CHN2: variants seen among roughly 807,000 people sequenced by gnomAD.
The protein encoded by CHN2 is chimerin 2, also known as beta-chimaerin.
Under a neutral mutation model 56.3 loss-of-function variants are expected in CHN2, and 35 were observed. The observed-to-expected ratio is 0.62, with a 90% CI of 0.47 to 0.82. The LOEUF is 0.82. Among genes scored for constraint, CHN2 ranks in the 40% least tolerant of loss-of-function variants. CHN2 has a pLI of 0.00. For missense variants in CHN2, 491 were observed against 580.5 expected (o/e 0.85, Z 1.58); for synonymous variants, 210 against 212.8 (o/e 0.99, Z 0.12).
At chr7:29,432,242 GA>G (rs1782909178) in intron 6 of CHN2, among the ~76,000 whole-genome samples, 1 of 152,138 alleles carries the variant, frequency 6.6e-6, no homozygotes, top group Non-Finnish European at 1.5e-5. Context: ...TTCCTACGGT[GA>G]AACATTCAGT....
At chr7:29,481,011 T>C (rs1408181528) in intron 7 of CHN2, among the ~76,000 whole-genome samples, 1 of 151,930 alleles carries the variant, frequency 6.6e-6, no homozygotes, top group Non-Finnish European at 1.5e-5. Flanking sequence ...GAAAGACCGC[T>C]ATGTTCGTTT....
At chr7:29,478,113 A>G (rs1786757315) in intron 6 of CHN2, among the ~76,000 whole-genome samples, 1 of 152,216 alleles carries the variant, frequency 6.6e-6, no homozygotes, top group Admixed American at 6.5e-5. Context: ...GTTGGCCTTC[A>G]GTGGGGAGTC....
chr7:29,460,401 C>T (rs915476525), intron 6 of CHN2, among the ~76,000 whole-genome samples: 12 of 152,212 alleles, frequency 7.9e-5, no homozygotes, highest in African/African-American at 2.9e-4. Context: ...TTCGTGCCTC[C>T]CTATGTATTA....
chr7:29,335,186 G>A (rs1412863974), intron 1 of CHN2, among the ~76,000 whole-genome samples: 1 of 152,220 alleles, frequency 6.6e-6, no homozygotes, highest in Non-Finnish European at 1.5e-5. Flanking sequence ...GGAACAATAT[G>A]GAGTCACTCA....
chr7:29,423,312 G>A (rs902132904), intron 6 of CHN2, among the ~76,000 whole-genome samples: 2 of 152,230 alleles, frequency 1.3e-5, no homozygotes, highest in African/African-American at 4.8e-5. Flanking sequence ...CAGCAGCTGG[G>A]CAGGCTGCAG....
intron 1 of CHN2, among the ~76,000 whole-genome samples, chr7:29,253,649 A>T (rs2128822260): frequency 6.6e-6 from 1 of 152,294 alleles, no homozygotes; most frequent in South Asian, 2.1e-4. Context: ...AACTTAATAG[A>T]TTTCCTACCC....
intron 1 of CHN2, chr7:29,208,734 A>T (rs1784709068): frequency 6.6e-6 from 1 of 152,198 alleles, no homozygotes; most frequent in South Asian, 2.1e-4. Flanking sequence ...TGACCAGACC[A>T]TTCCAGGATG....
chr7:29,381,336 C>T (rs1800480615), intron 3 of CHN2, among the ~76,000 whole-genome samples: 1 of 152,146 alleles, frequency 6.6e-6, no homozygotes, highest in Non-Finnish European at 1.5e-5. Context: ...CTCTAGCCAA[C>T]AGAGTGCCAG....
At chr7:29,183,730 AAG>A (rs1274595586) in intron 2 of CHN2, among the ~76,000 whole-genome samples, 1 of 152,192 alleles carries the variant, frequency 6.6e-6, no homozygotes, top group African/African-American at 2.4e-5. Context: ...GAGAACCAAT[AAG>A]AGAGATATAT....
intron 2 of CHN2, among the ~76,000 whole-genome samples, chr7:29,357,546 C>A (rs1026803674): frequency 6.6e-6 from 1 of 152,190 alleles, no homozygotes; most frequent in Non-Finnish European, 1.5e-5. Flanking sequence ...TGTTAGAAAT[C>A]AACAATGAAT....
intron 6 of CHN2, among the ~76,000 whole-genome samples, chr7:29,407,544 T>G (rs1802766819): frequency 6.6e-6 from 1 of 152,152 alleles, no homozygotes; most frequent in Admixed American, 6.5e-5. Flanking sequence ...TGCAGGAGGT[T>G]CTTTGGAAAT....
In CHN2 at chr7:29,455,529, T is replaced by C. The variant is rs116579156; in HGVS notation, c.577-24750T>C. On this transcript the variant is annotated intron_variant, in intron 6 of 12. Coordinates refer to ENST00000222792, the MANE Select transcript of CHN2 (RefSeq NM_004067.4). ...CCTATTTAGTGTCTTTGTGTGGCTT[T>C]CCCCACCACTGCAGGAACTGTGGGA... Among the ~76,000 whole-genome samples, 1,167 of 152,228 alleles carry C rather than the reference T, an allele frequency of 7.7e-3. 19 individuals are homozygous for C. Among genetic ancestry groups the C allele is most frequent in the African/African-American group, 0.026 (1,083 of 41,524 alleles).
intron 2 of CHN2, among the ~76,000 whole-genome samples, chr7:29,155,569 A>G (rs1268941339): frequency 6.6e-6 from 1 of 152,220 alleles, no homozygotes; most frequent in East Asian, 1.9e-4. Flanking sequence ...GAATTCAAGC[A>G]TAGGTCTCTC....
Position 29,507,288 on chromosome 7 carries a change from C to A in CHN2, c.1052C>A (p.Ala351Asp). The A allele has an allele frequency of 6.2e-7, 1 of 1,613,166 alleles. No homozygotes were observed. Among genetic ancestry groups the A allele is most frequent in the Non-Finnish European group, 8.5e-7 (1 of 1,179,406 alleles). The part of the protein sequence containing the change: ...VYPDINIITG[A>D]LKLYFRDLPI... ...CCAGACATAAACATCATCACTGGAG[C>A]CCTTAAACTGTATTTCAGAGACTTA... Residue 351 changes from alanine to aspartate, a missense_variant, in exon 11 of 13, where the codon GCC becomes GAC. Ala to Asp is a moderately radical substitution (Grantham distance 126). Transcript: ENST00000222792.
chr7:29,502,027 C>T (rs1790023524), intron 9 of CHN2, among the ~76,000 whole-genome samples: 2 of 152,156 alleles, frequency 1.3e-5, no homozygotes, highest in South Asian at 4.1e-4. Context: ...TGACTTGATA[C>T]ATAAATGGAC....
At chr7:29,336,993 C>G (rs1419429549) in intron 1 of CHN2, among the ~76,000 whole-genome samples, 3 of 152,026 alleles carry the variant, frequency 2.0e-5, no homozygotes, top group African/African-American at 7.3e-5. Flanking sequence ...TGGCTCCTGT[C>G]TTCCGGCACC....
chr7:29,402,424 A>G (rs1457590963), intron 6 of CHN2, among the ~76,000 whole-genome samples: 1 of 152,222 alleles, frequency 6.6e-6, no homozygotes, highest in South Asian at 2.1e-4. Flanking sequence ...TTTTAACAAA[A>G]GAGAGAGGAC....
At chr7:29,177,347 G>A (rs373733647) in intron 2 of CHN2, among the ~76,000 whole-genome samples, 57 of 151,910 alleles carry the variant, frequency 3.8e-4, no homozygotes, top group African/African-American at 1.2e-3. Flanking sequence ...TCTGCCTCCC[G>A]GGTTCAAGCA....
At chr7:29,403,888 A>G (rs940737994) in intron 6 of CHN2, among the ~76,000 whole-genome samples, 5 of 152,226 alleles carry the variant, frequency 3.3e-5, no homozygotes, top group Non-Finnish European at 5.9e-5. Context: ...GTAAGCAACA[A>G]AGGAATAACA....
Sources: allele counts gnomAD v4.1 joint callset (sites outside exome capture counted in the v4.1 genomes callset), GRCh38; gene constraint gnomAD v4.1.1; transcripts MANE v1.5; gene names NCBI Gene and HGNC (gene_info 2026-07-23, HGNC 2026-07-21).